Variants in CNTN4 observed in about 807,000 individuals in gnomAD.
CNTN4 encodes contactin 4.
CNTN4 carries 77 observed loss-of-function variants against 122.5 expected under a neutral mutation model. That is an observed-to-expected ratio of 0.63 (90% CI 0.52 to 0.76). The LOEUF (loss-of-function observed/expected upper bound fraction) is 0.76. CNTN4 is among the 30% of genes least tolerant of loss of function. CNTN4 has a pLI of 0.00. For synonymous variants in CNTN4, 512 were observed against 447.0 expected, an observed-to-expected ratio of 1.15 and a Z score of -1.83; for missense variants, 1,256 against 1,259.1, an observed-to-expected ratio of 1.00 and a Z score of 0.04.
intron 23 of CNTN4, among the ~76,000 whole-genome samples, chr3:3,047,552 A>G (rs1239734950): frequency 6.9e-6 from 1 of 145,052 alleles, no homozygotes; most frequent in Non-Finnish European, 1.5e-5. Flanking sequence ...AAATGAAGGC[A>G]GAAATAAAGA....
intron 2 of CNTN4, among the ~76,000 whole-genome samples, chr3:2,120,382 T>TATATATATAA (rs1559260773): frequency 1.4e-3 from 37 of 27,246 alleles, no homozygotes; most frequent in African/African-American, 3.4e-3. Flanking sequence ...TAAATATATA[T>TATATATATAA]ATATATATAT....
intron 3 of CNTN4, among the ~76,000 whole-genome samples, chr3:2,486,886 T>G (rs1122515): frequency 0.019 from 2,826 of 152,268 alleles, 92 homozygotes; most frequent in African/African-American, 0.064. Context: ...CTCCAAACTG[T>G]TTTTTATTAA....
In CNTN4 at chr3:2,678,800, C is replaced by G. The variant is rs562724884; in HGVS notation, c.56-57415C>G. On this transcript the variant is annotated intron_variant, in intron 4 of 24. Coordinates refer to ENST00000418658, the MANE Select transcript of CNTN4 (RefSeq NM_175607.3). ...GACAGGAAAAGAGCTGTATGTCTTA[C>G]GAAGCAGGCCCACATTAAGTCTGTA... is the stretch of plus-strand genomic sequence containing the variant. 1.5e-4 allele frequency among the ~76,000 whole-genome samples: 23 copies of G among 152,260 alleles called. No individual in the cohort carries two copies. The East Asian group carries it at 3.7e-3, about 24-fold the overall frequency.
chr3:2,170,797 A>G (rs2036468668), intron 2 of CNTN4, among the ~76,000 whole-genome samples: 1 of 152,184 alleles, frequency 6.6e-6, no homozygotes, highest in Non-Finnish European at 1.5e-5. Context: ...GCAGATGTAG[A>G]TGGATCAATA....
At chr3:2,290,765 T>C (rs952518480) in intron 2 of CNTN4, among the ~76,000 whole-genome samples, 4 of 152,060 alleles carry the variant, frequency 2.6e-5, no homozygotes, top group African/African-American at 4.8e-5. Context: ...ACTGCTGGGG[T>C]CTTTGGATGC....
At chr3:2,737,419 A>G (rs2089193902) in intron 5 of CNTN4, among the ~76,000 whole-genome samples, 1 of 152,214 alleles carries the variant, frequency 6.6e-6, no homozygotes, top group Non-Finnish European at 1.5e-5. Flanking sequence ...GATATCCTGA[A>G]AGTCTAAGGA....
chr3:2,448,100 G>T (rs1442227216), intron 3 of CNTN4, among the ~76,000 whole-genome samples: 2 of 152,136 alleles, frequency 1.3e-5, no homozygotes. Context: ...TGGGATCATG[G>T]ACACTAACAG....
At chr3:2,137,497 T>A (rs1225967370) in intron 2 of CNTN4, among the ~76,000 whole-genome samples, 1 of 150,846 alleles carries the variant, frequency 6.6e-6, no homozygotes, top group Non-Finnish European at 1.5e-5. Flanking sequence ...AATTTGGGGG[T>A]GGGGGGATTA....
At chr3:2,733,001 CATT>C (rs2088812560) in intron 4 of CNTN4, among the ~76,000 whole-genome samples, 2 of 152,134 alleles carry the variant, frequency 1.3e-5, no homozygotes, top group African/African-American at 4.8e-5. Context: ...TGCAAAGCAT[CATT>C]ATTATCAATT....
chr3:2,801,693 C>T (rs1346696559), intron 6 of CNTN4, among the ~76,000 whole-genome samples: 1 of 152,074 alleles, frequency 6.6e-6, no homozygotes, highest in Non-Finnish European at 1.5e-5. Flanking sequence ...TCTACTCTGT[C>T]AGACAGTGAG....
chr3:2,707,871 G>A (rs1328121153), intron 4 of CNTN4, among the ~76,000 whole-genome samples: 1 of 152,116 alleles, frequency 6.6e-6, no homozygotes, highest in Middle Eastern at 3.2e-3. Context: ...ATGTGCTGAA[G>A]CATTTGCGAG....
rs1208768620 is a variant in CNTN4, at chr3:2,925,617, A to G, written c.1208-12A>G. Reference sequence around the variant, plus strand: ...GTCTTGCATAATAATTATTTTTTGTACTGTCTTTCAGCTGTAGGTCCAGAT... The same window carrying G: ...GTCTTGCATAATAATTATTTTTTGTGCTGTCTTTCAGCTGTAGGTCCAGAT... On this transcript the variant is annotated splice_polypyrimidine_tract_variant and intron_variant, in intron 12 of 24. Transcript: ENST00000418658. The G allele has an allele frequency of 6.2e-7, 1 of 1,611,736 alleles. No individual in the cohort carries two copies. The highest frequency in any genetic ancestry group is 2.2e-5 in the East Asian group (1 of 44,860).
chr3:2,595,732 C>T (rs930892679), intron 4 of CNTN4, among the ~76,000 whole-genome samples: 1 of 152,162 alleles, frequency 6.6e-6, no homozygotes, highest in Non-Finnish European at 1.5e-5. Flanking sequence ...CTGTAGTTGT[C>T]ATATTGTCCA....
intron 2 of CNTN4, among the ~76,000 whole-genome samples, chr3:2,141,691 A>G (rs776380873): frequency 6.6e-6 from 1 of 152,170 alleles, no homozygotes; most frequent in East Asian, 1.9e-4. Context: ...TTCTAAAATC[A>G]TATAGCTCCC....
chr3:2,889,622 G>C (rs994242505), intron 10 of CNTN4, among the ~76,000 whole-genome samples: 3 of 152,114 alleles, frequency 2.0e-5, no homozygotes, highest in African/African-American at 7.2e-5. Context: ...TAAATATTCA[G>C]ATAATTGGCC....
chr3:2,634,522 A>C (rs544612968), intron 4 of CNTN4, among the ~76,000 whole-genome samples: 1 of 152,144 alleles, frequency 6.6e-6, no homozygotes, highest in South Asian at 2.1e-4. Flanking sequence ...AAACTAAAGA[A>C]GGATATTAGT....
At chr3:2,909,122 C>T (rs555750871) in intron 12 of CNTN4, among the ~76,000 whole-genome samples, 34 of 152,300 alleles carry the variant, frequency 2.2e-4, no homozygotes, top group Middle Eastern at 3.4e-3. Flanking sequence ...TCAACTGCCT[C>T]GTTGAGCCAG....
chr3:2,738,229 G>A (rs919613920), intron 5 of CNTN4, among the ~76,000 whole-genome samples: 5 of 152,136 alleles, frequency 3.3e-5, no homozygotes, highest in African/African-American at 1.2e-4. Flanking sequence ...GAGTCAAACA[G>A]ATTATCATAA....
chr3:2,983,674 A>G (rs1425815966), intron 13 of CNTN4, among the ~76,000 whole-genome samples: 1 of 152,218 alleles, frequency 6.6e-6, no homozygotes, highest in Non-Finnish European at 1.5e-5. Flanking sequence ...GCTGAGTTAC[A>G]GAGAGATTAA....
Sources: allele counts gnomAD v4.1 joint callset (sites outside exome capture counted in the v4.1 genomes callset), GRCh38; gene constraint gnomAD v4.1.1; transcripts MANE v1.5; gene names NCBI Gene and HGNC (gene_info 2026-07-23, HGNC 2026-07-21).